Variants in NAALAD2 observed in about 807,000 individuals in gnomAD.
NAALAD2 encodes the protein N-acetylated-alpha-linked acidic dipeptidase 2.
NAALAD2 carries 89 observed loss-of-function variants against 95.6 expected under a neutral mutation model. The observed-to-expected ratio is 0.93, with a 90% CI of 0.78 to 1.11. The LOEUF (loss-of-function observed/expected upper bound fraction) is 1.11. Among genes scored for constraint, NAALAD2 ranks in the 50% least tolerant of loss-of-function variants. The probability of loss-of-function intolerance (pLI) is 0.00; values close to 1 mark genes in which losing one functional copy is unlikely to be tolerated. For missense variants in NAALAD2, 894 were observed against 872.4 expected, an observed-to-expected ratio of 1.02 and a Z score of -0.31; for synonymous variants, 264 against 294.4, an observed-to-expected ratio of 0.90 and a Z score of 1.06.
intron 4 of NAALAD2, among the ~76,000 whole-genome samples, chr11:90,149,557 C>T (rs1202330840): frequency 1.3e-5 from 2 of 152,158 alleles, no homozygotes; most frequent in East Asian, 1.9e-4. Context: ...GCCTCAGCCT[C>T]CCGCGTAGCT....
chr11:90,139,855 CTTTT>C (rs71472281), intron 2 of NAALAD2, among the ~76,000 whole-genome samples: 165 of 144,164 alleles, frequency 1.1e-3, no homozygotes, highest in Admixed American at 2.1e-3. Flanking sequence ...CAAACTTTTC[CTTTT>C]TTTTTTTTTT....
intron 13 of NAALAD2, among the ~76,000 whole-genome samples, chr11:90,173,194 C>T (rs1302437596): frequency 6.6e-5 from 10 of 152,102 alleles, no homozygotes; most frequent in Non-Finnish European, 1.3e-4. Flanking sequence ...TATACACACA[C>T]ACACACACGA....
chr11:90,180,907 T>C (rs1349284574), intron 16 of NAALAD2, among the ~76,000 whole-genome samples: 1 of 152,062 alleles, frequency 6.6e-6, no homozygotes, highest in Non-Finnish European at 1.5e-5. Context: ...ATATAGGCAT[T>C]GTATTAGGCA....
chr11:90,152,545 G>T, intron 6 of NAALAD2, 61 bp downstream of exon 6: 1 of 1,314,194 alleles, frequency 7.6e-7, no homozygotes. Flanking sequence ...CTTTTAGAAG[G>T]AATACAAGCA....
At chr11:90,182,523 T>C (rs9804579) in intron 17 of NAALAD2, among the ~76,000 whole-genome samples, 24,305 of 152,116 alleles carry the variant, frequency 0.16, 2,525 homozygotes, top group African/African-American at 0.28. Context: ...ATTCACTCTT[T>C]GTTGTCCAGC....
At chr11:90,136,446 C>T (rs117238370) in intron 2 of NAALAD2, among the ~76,000 whole-genome samples, 5,815 of 152,222 alleles carry the variant, frequency 0.038, 157 homozygotes, top group Non-Finnish European at 0.057. Context: ...CCCCATCCCC[C>T]TCCATCTCTG....
intron 18 of NAALAD2, among the ~76,000 whole-genome samples, chr11:90,184,665 TA>T: frequency 6.6e-6 from 1 of 152,222 alleles, no homozygotes; most frequent in East Asian, 1.9e-4. Context: ...GCATATAAAA[TA>T]AAAAGGAGCA....
chr11:90,173,919 AGTTACTGATAT>A lies in NAALAD2; in HGVS notation c.1502+6_1502+16del, dbSNP rs770481074. 136 of 1,588,444 alleles carry A rather than the reference AGTTACTGATAT, an allele frequency of 8.6e-5. No homozygotes were observed. The highest frequency in any genetic ancestry group is 1.1e-4 in the Non-Finnish European group (130 of 1,157,998). ...CTGAAAATAAAAATTTGCCTAGGTA[AGTTACTGATAT>A]GCACCTTTTCTACTGTAGGATAAGT... On this transcript the variant is annotated splice_donor_5th_base_variant and intron_variant, in intron 14 of 18. Transcript: ENST00000534061.
intron 6 of NAALAD2, among the ~76,000 whole-genome samples, chr11:90,155,113 A>G (rs1451639635): frequency 7.6e-6 from 1 of 130,736 alleles, no homozygotes; most frequent in African/African-American, 2.9e-5. Flanking sequence ...ATATGTATAT[A>G]TGTGTGTATA....
chr11:90,155,022 A>C (rs1565521805), intron 6 of NAALAD2, among the ~76,000 whole-genome samples: 2 of 127,246 alleles, frequency 1.6e-5, no homozygotes, highest in Non-Finnish European at 3.1e-5. Context: ...ATATACATAT[A>C]CATAATATGT....
At position 90,144,647 on chromosome 11, in the gene NAALAD2, CAGG is replaced by C. The variant is rs1313733108; in HGVS notation, c.195-2680_195-2678del. ...ATCCCAGCTACTCAGGAGGCTGAGGCAGGAGAATTGCTTGAACCTGGGAGGCGG... is the reference window on the plus strand; with the variant it reads ...ATCCCAGCTACTCAGGAGGCTGAGGCAGAATTGCTTGAACCTGGGAGGCGG... On this transcript the variant is annotated intron_variant, in intron 2 of 18. Transcript: ENST00000534061. Among the ~76,000 whole-genome samples, 11 of 150,220 alleles carry C rather than the reference CAGG, an allele frequency of 7.3e-5. No individual in the cohort carries two copies. In the East Asian group the frequency reaches 2.0e-3, roughly 27 times the overall value.
chr11:90,183,971 C>T (rs146598333), intron 18 of NAALAD2, among the ~76,000 whole-genome samples: 2 of 152,172 alleles, frequency 1.3e-5, no homozygotes, highest in Non-Finnish European at 2.9e-5. Flanking sequence ...GGCTGCATCC[C>T]TTTGGATGTT....
At chr11:90,139,364 T>C (rs1018243961) in intron 2 of NAALAD2, among the ~76,000 whole-genome samples, 1 of 152,198 alleles carries the variant, frequency 6.6e-6, no homozygotes, top group African/African-American at 2.4e-5. Flanking sequence ...AGAATTCGCC[T>C]ATCCCTTCCT....
At chr11:90,167,305 G>A (rs1402280197) in intron 11 of NAALAD2, among the ~76,000 whole-genome samples, 1 of 152,136 alleles carries the variant, frequency 6.6e-6, no homozygotes, top group Non-Finnish European at 1.5e-5. Flanking sequence ...CTGCAAGCCC[G>A]GGGCAGTAAG....
intron 2 of NAALAD2, among the ~76,000 whole-genome samples, chr11:90,143,956 T>C (rs1417418636): frequency 6.6e-6 from 1 of 152,216 alleles, no homozygotes. Context: ...GCTATTGTAA[T>C]GAGGAATAAA....
chr11:90,135,011 A>G, intron 1 of NAALAD2, 171 bp downstream of exon 1: 1 of 642,100 alleles, frequency 1.6e-6, no homozygotes, highest in Non-Finnish European at 2.7e-6. Flanking sequence ...GATGGAATGT[A>G]TTTTGGGCTT....
At chr11:90,144,295 G>A (rs186713565) in intron 2 of NAALAD2, among the ~76,000 whole-genome samples, 1 of 152,272 alleles carries the variant, frequency 6.6e-6, no homozygotes, top group African/African-American at 2.4e-5. Flanking sequence ...CAAAAAAGCT[G>A]TTAGTTTTTA....
chr11:90,190,867 C>T (rs929878302), intron 18 of NAALAD2, among the ~76,000 whole-genome samples: 2 of 152,078 alleles, frequency 1.3e-5, no homozygotes, highest in Non-Finnish European at 2.9e-5. Flanking sequence ...ACTGTTGGAC[C>T]TAATTCCTGA....
upstream of NAALAD2, among the ~76,000 whole-genome samples, chr11:90,132,600 G>A (rs1281994390): frequency 6.6e-6 from 1 of 152,130 alleles, no homozygotes; most frequent in Non-Finnish European, 1.5e-5. Context: ...TGTGTCACCT[G>A]TTAAACACTG....
Sources: gnomAD v4.1 joint callset for allele counts (sites outside exome capture counted in the v4.1 genomes callset) on GRCh38, gnomAD v4.1.1 for gene constraint, MANE v1.5 for transcripts, NCBI Gene and HGNC (gene_info 2026-07-23, HGNC 2026-07-21) for gene names.